Variants in ELMO1 observed in about 807,000 individuals in gnomAD.
The protein encoded by ELMO1 is engulfment and cell motility protein 1.
In ELMO1, 26 loss-of-function variants were observed where a neutral mutation model predicts 98.9. The ratio of observed to expected loss-of-function variants is 0.26; its 90% confidence interval spans 0.19 to 0.36. The LOEUF (loss-of-function observed/expected upper bound fraction) is 0.36, where lower values mean the gene tolerates loss of function less well. Among genes scored for constraint, ELMO1 ranks in the 10% least tolerant of loss-of-function variants. The pLI, the probability that ELMO1 is intolerant of heterozygous loss-of-function variation, is 1.00. For synonymous variants in ELMO1, 346 were observed against 346.0 expected (o/e 1.00, Z 0.00); for missense variants, 627 against 935.2 (o/e 0.67, Z 4.30).
chr7:37,163,337 CTT>C (rs916709754), intron 13 of ELMO1, among the ~76,000 whole-genome samples: 1 of 7,044 alleles, frequency 1.4e-4, no homozygotes, highest in East Asian at 0.036. Flanking sequence ...AGCCAGTGTT[CTT>C]TTTTTTTTTT....
chr7:37,162,589 T>C (rs1431023975), intron 13 of ELMO1, among the ~76,000 whole-genome samples: 1 of 152,196 alleles, frequency 6.6e-6, no homozygotes, highest in Admixed American at 6.5e-5. Context: ...GTAGTAACTA[T>C]TTCACTTGAG....
At chr7:36,920,984 C>T (rs568844478) in intron 16 of ELMO1, among the ~76,000 whole-genome samples, 1 of 152,222 alleles carries the variant, frequency 6.6e-6, no homozygotes, top group East Asian at 1.9e-4. Context: ...AGGATTAGGT[C>T]ATGAAGATTC....
chr7:36,857,045 C>G (rs570649037), intron 21 of ELMO1, among the ~76,000 whole-genome samples: 1 of 152,324 alleles, frequency 6.6e-6, no homozygotes, highest in African/African-American at 2.4e-5. Flanking sequence ...TGATGGAAAT[C>G]TTCCGTGATG....
chr7:37,386,572 A>C (rs1802811486), intron 1 of ELMO1, among the ~76,000 whole-genome samples: 2 of 145,652 alleles, frequency 1.4e-5, no homozygotes, highest in Admixed American at 6.9e-5. Context: ...AGGTAAGTAG[A>C]GATCCAGGGT....
At chr7:37,140,263 A>G (rs1397638932) in intron 13 of ELMO1, among the ~76,000 whole-genome samples, 2 of 151,622 alleles carry the variant, frequency 1.3e-5, no homozygotes, top group South Asian at 2.1e-4. Context: ...GCAGGCGCCT[A>G]TAGTCCCAAC....
chr7:37,364,109 C>A (rs1801805210), intron 1 of ELMO1, among the ~76,000 whole-genome samples: 3 of 152,158 alleles, frequency 2.0e-5, no homozygotes, highest in Admixed American at 6.5e-5. Context: ...TCAGACAATA[C>A]CCCCAACACC....
intron 16 of ELMO1, among the ~76,000 whole-genome samples, chr7:36,970,180 A>AACACACACACACACACACAC (rs56928749): frequency 7.6e-5 from 11 of 144,354 alleles, no homozygotes; most frequent in African/African-American, 1.8e-4. Context: ...TCATACACTT[A>AACACACACACACACACACAC]ACACACACAC....
At chr7:37,236,896 T>C (rs927535730) in intron 7 of ELMO1, among the ~76,000 whole-genome samples, 2 of 152,232 alleles carry the variant, frequency 1.3e-5, no homozygotes, top group East Asian at 1.9e-4. Flanking sequence ...AGGCAAGTTC[T>C]ACCTCTGAAA....
intron 20 of ELMO1, among the ~76,000 whole-genome samples, chr7:36,868,694 A>C (rs1183696953): frequency 6.6e-6 from 1 of 152,094 alleles, no homozygotes; most frequent in African/African-American, 2.4e-5. Flanking sequence ...CAAGCTCTTT[A>C]TATGTTGGGG....
intron 2 of ELMO1, 111 bp from the exon 3 acceptor site, chr7:37,316,071 G>T: frequency 3.4e-6 from 3 of 889,446 alleles, no homozygotes; most frequent in Non-Finnish European, 3.5e-6. Flanking sequence ...ATTTACATTT[G>T]CTATTCTTAG....
intron 15 of ELMO1, among the ~76,000 whole-genome samples, chr7:37,018,992 T>C (rs925851626): frequency 5.9e-5 from 9 of 152,180 alleles, no homozygotes; most frequent in Non-Finnish European, 5.9e-5. Flanking sequence ...TCATTCTTGA[T>C]GATATGTCAA....
chr7:37,152,664 C>A (rs941904833), intron 13 of ELMO1, among the ~76,000 whole-genome samples: 1 of 152,092 alleles, frequency 6.6e-6, no homozygotes. Context: ...TAACACTCAG[C>A]ACCGGAAAGA....
chr7:37,023,163 C>CT lies in ELMO1; in HGVS notation c.1301-9729dup, dbSNP rs558136180. On this transcript the variant is annotated intron_variant, in intron 15 of 21. Transcript: ENST00000310758. ...GGGGCCTCTGAGGGTTGTTTAATAT[C>CT]TTTTCTTAATCTAGATAGCAGTTAC... Among the ~76,000 whole-genome samples the CT allele has an allele frequency of 6.4e-4, 98 of 152,260 alleles. 2 individuals are homozygous for CT. In the East Asian group the frequency reaches 0.018, roughly 28 times the overall value.
At chr7:36,927,975 T>C (rs1057152286) in intron 16 of ELMO1, among the ~76,000 whole-genome samples, 1 of 152,344 alleles carries the variant, frequency 6.6e-6, no homozygotes, top group Middle Eastern at 3.4e-3. Context: ...TAATAACTCA[T>C]GCCAGTCAAT....
intron 21 of ELMO1, among the ~76,000 whole-genome samples, chr7:36,857,583 C>T (rs1281016882): frequency 6.6e-6 from 1 of 152,122 alleles, no homozygotes; most frequent in Admixed American, 6.5e-5. Flanking sequence ...TTAGAAACAA[C>T]AGGCACAGAA....
chr7:37,386,261 TG>T (rs1484267036), intron 1 of ELMO1, among the ~76,000 whole-genome samples: 1 of 151,724 alleles, frequency 6.6e-6, no homozygotes, highest in African/African-American at 2.4e-5. Context: ...AGCAGGTAGC[TG>T]GGGAGGGAGG....
chr7:37,284,928 G>T (rs1481290795), intron 4 of ELMO1, among the ~76,000 whole-genome samples: 1 of 152,168 alleles, frequency 6.6e-6, no homozygotes, highest in East Asian at 1.9e-4. Context: ...ATTCTGCCTG[G>T]GGAAAGGACA....
At chr7:37,351,517 G>A (rs1325521511) in intron 1 of ELMO1, among the ~76,000 whole-genome samples, 1 of 152,206 alleles carries the variant, frequency 6.6e-6, no homozygotes, top group Non-Finnish European at 1.5e-5. Context: ...GCAAAGACAA[G>A]TCAAGAGGAA....
intron 16 of ELMO1, among the ~76,000 whole-genome samples, chr7:37,003,054 A>C (rs537359624): frequency 6.6e-6 from 1 of 152,220 alleles, no homozygotes; most frequent in African/African-American, 2.4e-5. Flanking sequence ...ACTTCCTCCT[A>C]CACAGTTGGC....
Sources: allele counts gnomAD v4.1 joint callset (sites outside exome capture counted in the v4.1 genomes callset), GRCh38; gene constraint gnomAD v4.1.1; transcripts MANE v1.5; gene names NCBI Gene and HGNC (gene_info 2026-07-23, HGNC 2026-07-21).